MCC: variants seen among roughly 807,000 people sequenced by gnomAD.
MCC encodes MCC regulator of Wnt signaling pathway, also known as colorectal mutant cancer protein.
Under a neutral mutation model 116.2 loss-of-function variants are expected in MCC, and 90 were observed. The ratio of observed to expected loss-of-function variants is 0.77; its 90% CI spans 0.65 to 0.92. The LOEUF is 0.92. MCC is among the 40% of genes least tolerant of loss of function. MCC has a pLI of 0.00. For synonymous variants in MCC, 578 were observed against 510.5 expected (o/e 1.13, Z -1.78); for missense variants, 1,516 against 1,312.2 (o/e 1.16, Z -2.40).
intron 14 of MCC, among the ~76,000 whole-genome samples, chr5:113,057,788 G>A (rs1752937061): frequency 6.6e-6 from 1 of 152,262 alleles, no homozygotes; most frequent in South Asian, 2.1e-4. Context: ...GATGTGGAGG[G>A]ACAGACATCT....
rs1342019138 is a variant in MCC, at chr5:113,315,877, C to T, written c.627+24642G>A. ...CGGGTGACAGAGTGAGACCCTGTCTCAAAAAAAAGACAGCAGAAGATTGGG... is the reference window on the plus strand; with the variant it reads ...CGGGTGACAGAGTGAGACCCTGTCTTAAAAAAAAGACAGCAGAAGATTGGG... On this transcript the variant is annotated intron_variant, in intron 3 of 18. Coordinates refer to ENST00000408903, the MANE Select transcript of MCC (RefSeq NM_001085377.2). Among the ~76,000 whole-genome samples the T allele has an allele frequency of 2.0e-5, 3 of 151,248 alleles. No homozygotes were observed. The East Asian group carries it at 5.8e-4, about 29-fold the overall frequency.
chr5:113,313,887 C>CTTGG (rs528715279), intron 3 of MCC, among the ~76,000 whole-genome samples: 250 of 152,242 alleles, frequency 1.6e-3, no homozygotes, highest in African/African-American at 5.7e-3. Context: ...GTGGTGTGAT[C>CTTGG]ACAGCTCACT....
At chr5:113,255,406 C>A (rs17135506) in intron 3 of MCC, among the ~76,000 whole-genome samples, 16,292 of 152,098 alleles carry the variant, frequency 0.11, 1,377 homozygotes, top group Admixed American at 0.25. Context: ...TCCATGAGTG[C>A]CTGTAGCAGC....
chr5:113,238,797 G>T (rs556367370), intron 3 of MCC, among the ~76,000 whole-genome samples: 1 of 152,302 alleles, frequency 6.6e-6, no homozygotes, highest in East Asian at 1.9e-4. Context: ...AAGACTAATG[G>T]TCTCAAATTT....
intron 8 of MCC, among the ~76,000 whole-genome samples, 176 bp from the exon 9 acceptor site, chr5:113,085,486 T>C (rs1484020723): frequency 6.6e-6 from 1 of 152,192 alleles, no homozygotes; most frequent in African/African-American, 2.4e-5. Context: ...TAATAATTTT[T>C]TTTTAATGAA....
chr5:113,312,832 T>C (rs1767168122), intron 3 of MCC, among the ~76,000 whole-genome samples: 1 of 152,192 alleles, frequency 6.6e-6, no homozygotes, highest in South Asian at 2.1e-4. Context: ...TCCATCTATT[T>C]AGTCAATGAA....
rs543486349 is a variant in MCC, at chr5:113,201,790, G to A, written c.628-50368C>T. ...ATGCCTTTCTCCTTAAAGGGGAAAA[G>A]TCTTATTCTGCTAGAGGGCTAGATT... On this transcript the variant is annotated intron_variant, in intron 3 of 18. Transcript: ENST00000408903. Among the ~76,000 whole-genome samples, 4 of 152,266 alleles carry A rather than the reference G, an allele frequency of 2.6e-5. No homozygotes were observed. In the South Asian group the frequency reaches 8.3e-4, roughly 32 times the overall value.
intron 16 of MCC, among the ~76,000 whole-genome samples, chr5:113,045,913 G>A (rs765589489): frequency 3.3e-5 from 5 of 152,112 alleles, no homozygotes; most frequent in Non-Finnish European, 5.9e-5. Flanking sequence ...CTGAGTGGCT[G>A]CAGCTGCACC....
chr5:113,488,078 G>C (rs1772593571), intron 1 of MCC, among the ~76,000 whole-genome samples, 167 bp downstream of exon 1: 1 of 152,086 alleles, frequency 6.6e-6, no homozygotes, highest in Admixed American at 6.5e-5. Context: ...CAGTCCCCTC[G>C]GCCTTCGTGG....
intron 1 of MCC, among the ~76,000 whole-genome samples, chr5:113,450,558 C>A (rs1580391474): frequency 6.6e-6 from 1 of 152,134 alleles, no homozygotes; most frequent in South Asian, 2.1e-4. Flanking sequence ...CTTACAGGAC[C>A]CAGCATGCTT....
intron 11 of MCC, among the ~76,000 whole-genome samples, chr5:113,077,910 C>A (rs1319584439): frequency 2.9e-5 from 4 of 137,652 alleles, no homozygotes; most frequent in Non-Finnish European, 6.1e-5. Context: ...AGACCGCTAG[C>A]AAGACTAATA....
intron 2 of MCC, among the ~76,000 whole-genome samples, chr5:113,358,788 C>G (rs754147346): frequency 6.6e-6 from 1 of 152,174 alleles, no homozygotes; most frequent in Non-Finnish European, 1.5e-5. Context: ...CTGACATCAA[C>G]AGAAGCAGCA....
chr5:113,093,565 T>G (rs1252421121), intron 8 of MCC, among the ~76,000 whole-genome samples: 1 of 151,880 alleles, frequency 6.6e-6, no homozygotes, highest in African/African-American at 2.4e-5. Flanking sequence ...AGTGAGATGT[T>G]GGGGGGATTT....
chr5:113,370,883 A>G (rs1768821727), intron 2 of MCC, among the ~76,000 whole-genome samples: 1 of 152,198 alleles, frequency 6.6e-6, no homozygotes, highest in Admixed American at 6.5e-5. Context: ...AATATAGCAC[A>G]AGAAAACGGG....
chr5:113,373,620 C>T (rs1561542334), intron 2 of MCC, among the ~76,000 whole-genome samples: 1 of 152,170 alleles, frequency 6.6e-6, no homozygotes, highest in Non-Finnish European at 1.5e-5. Context: ...TTGTTCGCTC[C>T]TCATGGCAGA....
At chr5:113,254,344 T>G (rs367577400) in intron 3 of MCC, among the ~76,000 whole-genome samples, 46 of 152,036 alleles carry the variant, frequency 3.0e-4, no homozygotes, top group Non-Finnish European at 5.3e-4. Flanking sequence ...AAAAGGAAAA[T>G]AGAGTCCAAG....
At chr5:113,484,786 C>T (rs142994879) in intron 1 of MCC, among the ~76,000 whole-genome samples, 4 of 152,256 alleles carry the variant, frequency 2.6e-5, no homozygotes, top group African/African-American at 7.2e-5. Context: ...AAACAAAAAG[C>T]TTTAAAATTC....
At chr5:113,453,525 C>G (rs930546709) in intron 1 of MCC, among the ~76,000 whole-genome samples, 5 of 152,204 alleles carry the variant, frequency 3.3e-5, no homozygotes, top group African/African-American at 7.2e-5. Context: ...CCTCCCTCAG[C>G]AAAGGCAGGC....
chr5:113,407,760 T>C (rs1769877853), intron 1 of MCC, among the ~76,000 whole-genome samples: 1 of 152,186 alleles, frequency 6.6e-6, no homozygotes, highest in Non-Finnish European at 1.5e-5. Flanking sequence ...AAGCCCCGCA[T>C]ACATTAGCTA....
Sources: gnomAD v4.1 joint callset for allele counts (sites outside exome capture counted in the v4.1 genomes callset) on GRCh38, gnomAD v4.1.1 for gene constraint, MANE v1.5 for transcripts, NCBI Gene and HGNC (gene_info 2026-07-23, HGNC 2026-07-21) for gene names.